ADGRB1: variants seen among roughly 807,000 people sequenced by gnomAD.
ADGRB1 encodes the protein brain-specific angiogenesis inhibitor 1.
Under a neutral mutation model 175.7 loss-of-function variants are expected in ADGRB1, and 36 were observed. That is an observed-to-expected ratio of 0.20 (90% CI 0.16 to 0.27). ADGRB1 has a LOEUF of 0.27. Among genes scored for constraint, ADGRB1 ranks in the 10% least tolerant of loss-of-function variants. The probability of loss-of-function intolerance (pLI) is 1.00; values close to 1 mark genes in which losing one functional copy is unlikely to be tolerated. For missense variants in ADGRB1, 1,731 were observed against 2,255.3 expected (o/e 0.77, Z 4.71); for synonymous variants, 1,054 against 979.4 (o/e 1.08, Z -1.42).
At chr8:142,503,457 C>G (rs1468713819) in intron 17 of ADGRB1, among the ~76,000 whole-genome samples, 1 of 152,090 alleles carries the variant, frequency 6.6e-6, no homozygotes, top group Non-Finnish European at 1.5e-5. Context: ...CCACTGGGTA[C>G]CAATGGCTGG....
At chr8:142,523,396 T>C (rs1843976911) in intron 22 of ADGRB1, among the ~76,000 whole-genome samples, 1 of 1,174 alleles carries the variant, frequency 8.5e-4, no homozygotes, top group South Asian at 0.1. Flanking sequence ...TGATGCTGGC[T>C]GAGTGGGAGG....
At chr8:142,495,134 C>T (rs978897819) in intron 17 of ADGRB1, among the ~76,000 whole-genome samples, 1 of 152,068 alleles carries the variant, frequency 6.6e-6, no homozygotes, top group Non-Finnish European at 1.5e-5. Context: ...CGAAGGGGTT[C>T]TTGGTAGGCA....
In ADGRB1 at chr8:142,526,497, A is replaced by G. The variant is rs949700622; in HGVS notation, c.3313-45A>G. 2.1e-6 allele frequency: 3 copies of G among 1,404,418 alleles called. No individual in the cohort carries two copies. In the Admixed American group the frequency reaches 5.9e-5, roughly 28 times the overall value. 87.0% of individuals were successfully genotyped at this position (1,404,418 alleles called of 1,614,324 possible). The stretch of plus-strand genomic sequence containing the variant: ...CCGGCCAGTGTCAGCCCCTGAGCCT[A>G]CGGCGGCCCCCACCCCCACACCCCC... On this transcript the variant is annotated intron_variant, in intron 23 of 30. Coordinates refer to ENST00000517894, the MANE Select transcript of ADGRB1 (RefSeq NM_001702.3).
chr8:142,484,649 C>T lies in ADGRB1; in HGVS notation c.2200-7C>T, dbSNP rs1407141408. 2 of 1,606,048 alleles carry T rather than the reference C, an allele frequency of 1.2e-6. No homozygotes were observed. Among genetic ancestry groups the T allele is most frequent in the Non-Finnish European group, 1.7e-6 (2 of 1,177,082 alleles). On this transcript the variant is annotated splice_polypyrimidine_tract_variant and splice_region_variant and intron_variant, in intron 12 of 30. Transcript: ENST00000517894. ...CTCCCTCGGCTGCTCACCCCCCTGC[C>T]CTCCAGGCGGGCCCCAACGCCAAGG...
chr8:142,450,506 G>A (rs2131597363), intron 1 of ADGRB1, among the ~76,000 whole-genome samples: 1 of 152,112 alleles, frequency 6.6e-6, no homozygotes, highest in East Asian at 1.9e-4. Flanking sequence ...GACGCTGGCG[G>A]GGGTCTAAGG....
intron 1 of ADGRB1, among the ~76,000 whole-genome samples, chr8:142,458,956 G>C (rs1314877143): frequency 6.6e-6 from 1 of 152,222 alleles, no homozygotes; most frequent in Non-Finnish European, 1.5e-5. Context: ...TTCTCTGCAA[G>C]AGAGTTGGTG....
chr8:142,537,595 C>T lies in ADGRB1; in HGVS notation c.3666+513C>T, dbSNP rs924127284. 6.6e-6 allele frequency among the ~76,000 whole-genome samples: 1 copy of T among 152,090 alleles called. No individual in the cohort carries two copies. The highest frequency in any genetic ancestry group is 2.1e-4 in the South Asian group (1 of 4,822). On this transcript the variant is annotated intron_variant, in intron 26 of 30. Transcript: ENST00000517894. This position sits in a 1 kb window ranked among gnomAD's most constrained non-coding sequence, Gnocchi z 4.6. ...CCTCAGCCCCTGCAGGGTGACTCTC[C>T]CTTGTGGCCCCTGGCCATCCTGCCT...
chr8:142,533,601 G>C (rs942721335), intron 25 of ADGRB1, 135 bp downstream of exon 25: 10 of 1,074,364 alleles, frequency 9.3e-6, no homozygotes, highest in Middle Eastern at 3.2e-4. Flanking sequence ...ACATCTGCAG[G>C]CCTCGGTGGT....
rs1022302863 is a variant in ADGRB1 at position 142,492,920 on chromosome 8, G to A, written c.2675+2105G>A. On this transcript the variant is annotated intron_variant, in intron 17 of 30. Coordinates refer to ENST00000517894, the MANE Select transcript of ADGRB1 (RefSeq NM_001702.3). This position sits in a 1 kb window ranked among gnomAD's most constrained non-coding sequence, Gnocchi z 4.4. ...CCCACAGTGCAGAAACCCTCCATCC[G>A]GGCTGTTCGCCGGCCGCGGCAGCTC... Among the ~76,000 whole-genome samples the A allele has an allele frequency of 3.9e-5, 6 of 151,962 alleles. No homozygotes were observed. The highest frequency in any genetic ancestry group is 1.9e-4 in the East Asian group (1 of 5,142).
Position 142,464,520 on chromosome 8 carries a change from C to G in ADGRB1, c.322C>G (p.Leu108Val). 23 of 1,576,316 alleles carry G rather than the reference C, an allele frequency of 1.5e-5. No homozygotes were observed. Among genetic ancestry groups the G allele is most frequent in the Non-Finnish European group, 2.0e-5 (23 of 1,164,382 alleles). Residue 108 changes from leucine to valine, a missense_variant, in exon 2 of 31, where the codon CTC (leucine) becomes GTC (valine). By Grantham distance (32) the Leu-to-Val change is conservative. Around this residue, in one of 8 missense-constraint regions of ADGRB1, gnomAD observed 383 missense variants for 383.1 expected, o/e 1.00. Transcript: ENST00000517894. Reference sequence around the variant, plus strand: ...GCGCACCTACCAGTTCGACTCCTTCCTCGAGTCCACGCGCACCTACCTGGG... The same window carrying G: ...GCGCACCTACCAGTTCGACTCCTTCGTCGAGTCCACGCGCACCTACCTGGG... The part of the protein sequence containing the change: ...RVRTYQFDSF[L>V]ESTRTYLGVE...
At chr8:142,531,069 G>A (rs1167722628) in intron 24 of ADGRB1, among the ~76,000 whole-genome samples, 3 of 152,236 alleles carry the variant, frequency 2.0e-5, no homozygotes, top group Admixed American at 1.3e-4. Context: ...CCCCTGACGG[G>A]CAGCAGCAGG....
rs1415540602 is a variant in ADGRB1 at position 142,464,678 on chromosome 8, C to T, written c.480C>T (p.Ala160=). ...PPQHDGLRPR[A]GPPGPTDDFS... ...AGCACGACGGGCTCCGGCCCCGGGC[C>T]GGGCCGCCGGGCCCCACCGACGACT... Residue 160 remains alanine (A), a synonymous_variant, in exon 2 of 31, where the codon GCC becomes GCT. Transcript: ENST00000517894. The T allele has an allele frequency of 6.6e-7, 1 of 1,524,696 alleles. No homozygotes were observed. The highest frequency in any genetic ancestry group is 8.8e-7 in the Non-Finnish European group (1 of 1,141,818). 94.4% of individuals were successfully genotyped at this position (1,524,696 alleles called of 1,614,324 possible).
Position 142,543,255 on chromosome 8 carries a change from G to T in ADGRB1, c.4414-148G>T, listed in dbSNP as rs781363588. On this transcript the variant is annotated intron_variant, in intron 28 of 30. Transcript: ENST00000517894. This position sits in a 1 kb window ranked among gnomAD's most constrained non-coding sequence, Gnocchi z 4.4. ...ATAGCTGGAGGAGCTGCCTCAGTGCGCCCCCAGGCATGTCCCCTGGGTCTG... is the reference window on the plus strand; with the variant it reads ...ATAGCTGGAGGAGCTGCCTCAGTGCTCCCCCAGGCATGTCCCCTGGGTCTG... 9.6e-7 allele frequency: 1 copy of T among 1,044,688 alleles called. No homozygotes were observed. The highest frequency in any genetic ancestry group is 1.4e-6 in the Non-Finnish European group (1 of 708,802). The allele number at this position is 1,044,688 out of a possible 1,614,324, so 64.7% of individuals were successfully genotyped here. A position where few individuals can be genotyped will look rare whatever the true frequency, so the allele number is the denominator to read the frequency against.
chr8:142,456,476 C>T (rs912379636), intron 1 of ADGRB1, among the ~76,000 whole-genome samples: 5 of 152,338 alleles, frequency 3.3e-5, no homozygotes, highest in African/African-American at 7.2e-5. Context: ...TGCACACTCA[C>T]GTGTGCGACT....
chr8:142,483,475 A>T (rs1435417501), intron 11 of ADGRB1, among the ~76,000 whole-genome samples: 1 of 146,024 alleles, frequency 6.8e-6, no homozygotes, highest in Non-Finnish European at 1.5e-5. Context: ...CTGAGCCTCA[A>T]TCCTGGTTAC....
At chr8:142,529,060 T>C (rs1305254532) in intron 24 of ADGRB1, among the ~76,000 whole-genome samples, 1 of 152,220 alleles carries the variant, frequency 6.6e-6, no homozygotes, top group Non-Finnish European at 1.5e-5. Context: ...GGATGGCTGA[T>C]GCCTGGGCAG....
At chr8:142,478,043 T>G (rs1841084352) in intron 6 of ADGRB1, 144 bp from the exon 7 acceptor site, 2 of 1,082,066 alleles carry the variant, frequency 1.8e-6, no homozygotes, top group Non-Finnish European at 2.7e-6. Context: ...AGGCTGGCCG[T>G]GGGTGGTGGC....
chr8:142,539,741 T>C (rs1259964237), intron 27 of ADGRB1: 1 of 485,686 alleles, frequency 2.1e-6, no homozygotes, highest in Non-Finnish European at 3.8e-6. Context: ...TCTTCCTCTG[T>C]CGTGGCCCCA....
At chr8:142,450,967 G>C (rs1173224225) in intron 1 of ADGRB1, among the ~76,000 whole-genome samples, 1 of 152,168 alleles carries the variant, frequency 6.6e-6, no homozygotes, top group East Asian at 1.9e-4. Flanking sequence ...CCGCGTCGCC[G>C]GTGAGCAGAG....
Sources: gnomAD v4.1 joint callset for allele counts (sites outside exome capture counted in the v4.1 genomes callset) on GRCh38, gnomAD v4.1.1 for gene constraint, gnomAD v4.1.1 regional missense constraint, Gnocchi (gnomAD v3.1) non-coding constraint, MANE v1.5 for transcripts, NCBI Gene and HGNC (gene_info 2026-07-23, HGNC 2026-07-21) for gene names.